Variants in DMC1 observed in about 807,000 individuals in gnomAD.
The protein encoded by DMC1 is DNA meiotic recombinase 1.
A neutral mutation model predicts 50.1 loss-of-function variants in DMC1; 27 were observed. That is an observed-to-expected ratio of 0.54 (90% confidence interval 0.40 to 0.74). The LOEUF is 0.74. DMC1 is among the 30% of genes least tolerant of loss of function. The probability of loss-of-function intolerance (pLI) is 0.00; values close to 1 mark genes in which losing one functional copy is unlikely to be tolerated. For missense variants in DMC1, 295 were observed against 420.2 expected (o/e 0.70, Z 2.60); for synonymous variants, 148 against 136.1 (o/e 1.09, Z -0.61).
At chr22:38,538,464 TA>T in intron 10 of DMC1, 55 bp from the exon 11 acceptor site, 3 of 1,605,240 alleles carry the variant, frequency 1.9e-6, no homozygotes, top group Non-Finnish European at 2.6e-6. Flanking sequence ...AGGAAGACGT[TA>T]TTTGAATAGA....
chr22:38,552,337 T>C (rs1033834357), intron 7 of DMC1, among the ~76,000 whole-genome samples: 5 of 152,292 alleles, frequency 3.3e-5, no homozygotes, highest in South Asian at 4.1e-4. Context: ...TAGGACTCAA[T>C]AGATTTTGTG....
Position 38,535,410 on chromosome 22 carries a change from CCACA to C in DMC1, c.836+2178_836+2181del, listed in dbSNP as rs141719568. ...GAGAAACAAAGGTGTATGTACACCT[CCACA>C]CACACACACACACACACACACACAT... is the stretch of plus-strand genomic sequence containing the variant. On this transcript the variant is annotated intron_variant, in intron 12 of 13. Transcript: ENST00000216024. Among the ~76,000 whole-genome samples, 164 of 148,002 alleles carry C rather than the reference CCACA, an allele frequency of 1.1e-3. 1 individual carries two copies. The Middle Eastern group carries it at 0.014, about 13-fold the overall frequency.
chr22:38,549,789 T>C, intron 8 of DMC1, 136 bp downstream of exon 8: 1 of 673,114 alleles, frequency 1.5e-6, no homozygotes, highest in East Asian at 2.7e-5. Context: ...TAAACAGTAA[T>C]TGTTTTCCCT....
the DMC1 span, among the ~76,000 whole-genome samples, chr22:38,511,445 G>T: frequency 6.6e-6 from 1 of 151,732 alleles, no homozygotes; most frequent in African/African-American, 2.4e-5. Flanking sequence ...TGGGTGTGGT[G>T]GTGTGTGTGT....
At chr22:38,514,625 T>TA (rs2089963814), downstream of DMC1, among the ~76,000 whole-genome samples, 1 of 152,142 alleles carries the variant, frequency 6.6e-6, no homozygotes, top group South Asian at 2.1e-4. Context: ...TAAGCTGCCC[T>TA]AAACCTACCA....
intron 12 of DMC1, among the ~76,000 whole-genome samples, chr22:38,523,802 T>C (rs2090057037): frequency 6.6e-6 from 1 of 152,180 alleles, no homozygotes; most frequent in South Asian, 2.1e-4. Context: ...GCTTAAGATA[T>C]TTATGCTACA....
chr22:38,515,998 T>C (rs542200287), downstream of DMC1, among the ~76,000 whole-genome samples: 251 of 152,222 alleles, frequency 1.6e-3, 1 homozygote, highest in African/African-American at 5.8e-3. Context: ...CTCTCCCCTA[T>C]ATAGGCCAGA....
intron 8 of DMC1, among the ~76,000 whole-genome samples, chr22:38,548,500 G>C (rs1470421336): frequency 6.6e-6 from 1 of 152,112 alleles, no homozygotes; most frequent in African/African-American, 2.4e-5. Flanking sequence ...ACTTGACCCT[G>C]GGAGTTCGAG....
At chr22:38,541,646 G>A (rs2090282167) in intron 8 of DMC1, among the ~76,000 whole-genome samples, 1 of 152,132 alleles carries the variant, frequency 6.6e-6, no homozygotes, top group African/African-American at 2.4e-5. Context: ...TTTTGAGTTG[G>A]TCTGGTGTTA....
intron 12 of DMC1, among the ~76,000 whole-genome samples, chr22:38,521,932 A>G (rs2090033622): frequency 6.6e-6 from 1 of 151,682 alleles, no homozygotes; most frequent in African/African-American, 2.4e-5. Context: ...TGAGATTCCT[A>G]TGATAAATAG....
intron 8 of DMC1, among the ~76,000 whole-genome samples, chr22:38,547,931 G>C (rs1389210894): frequency 6.6e-6 from 1 of 152,020 alleles, no homozygotes; most frequent in Admixed American, 6.6e-5. Context: ...GCAAATGTTC[G>C]CTTGAACTCC....
chr22:38,527,574 A>G (rs2090106623), intron 12 of DMC1, among the ~76,000 whole-genome samples: 1 of 142,192 alleles, frequency 7.0e-6, no homozygotes, highest in Admixed American at 7.4e-5. Flanking sequence ...GATGGAGTGC[A>G]ATGGCACGAT....
At chr22:38,520,393 C>G (rs559787413) in intron 13 of DMC1, among the ~76,000 whole-genome samples, 36 of 150,966 alleles carry the variant, frequency 2.4e-4, no homozygotes, top group African/African-American at 8.3e-4. Context: ...TTGGCGAAGT[C>G]TTGCTCTTGT....
chr22:38,515,890 T>C (rs1392290108), downstream of DMC1, among the ~76,000 whole-genome samples: 1 of 152,186 alleles, frequency 6.6e-6, no homozygotes, highest in Admixed American at 6.6e-5. Flanking sequence ...CCAAGAACTC[T>C]CTCGGGTCTG....
intron 7 of DMC1, among the ~76,000 whole-genome samples, chr22:38,552,437 TTCTC>T (rs1314376128): frequency 1.3e-5 from 2 of 152,186 alleles, no homozygotes; most frequent in African/African-American, 4.8e-5. Context: ...CCCATTCAAC[TTCTC>T]TCTATTTCTA....
intron 8 of DMC1, among the ~76,000 whole-genome samples, chr22:38,541,066 C>T (rs1298829633): frequency 6.6e-6 from 1 of 152,012 alleles, no homozygotes; most frequent in African/African-American, 2.4e-5. Context: ...ACGAGTTTTA[C>T]TGGGGGCCTG....
Position 38,557,964 on chromosome 22 carries a change from T to TC in DMC1, c.327-2556_327-2555insG, listed in dbSNP as rs1331360973. Among the ~76,000 whole-genome samples the TC allele has an allele frequency of 2.3e-5, 3 of 129,616 alleles. No individual in the cohort carries two copies. The East Asian group carries it at 6.8e-4, about 29-fold the overall frequency. The allele number at this position is 129,616 out of a possible 152,430, so 85.0% of individuals were successfully genotyped here. On this transcript the variant is annotated intron_variant, in intron 5 of 13. Transcript: ENST00000216024. ...GATAATTAGACAAAGTTCTTTTTTT[T>TC]TTTTTTTTTTTTTTTTGAGACGGAG...
Position 38,519,797 on chromosome 22 carries a change from C to T in DMC1, c.*223G>A. On this transcript the variant is annotated 3_prime_UTR_variant, in exon 14 of 14. Coordinates refer to ENST00000216024, the MANE Select transcript of DMC1 (RefSeq NM_007068.4). ...TCAGGTATACACACACAAACACACACACACACAAACATACATATACATATC... is the reference window on the plus strand; with the variant it reads ...TCAGGTATACACACACAAACACACATACACACAAACATACATATACATATC... The T allele has an allele frequency of 4.1e-6, 2 of 493,708 alleles. No individual in the cohort carries two copies. Among genetic ancestry groups the T allele is most frequent in the Admixed American group, 6.2e-5 (2 of 32,264 alleles). 30.6% of individuals were successfully genotyped at this position (493,708 alleles called of 1,614,324 possible).
rs933674238 is a variant in DMC1 at position 38,564,160 on chromosome 22, C to T, written c.244-1791G>A. Among the ~76,000 whole-genome samples, 6 of 152,112 alleles carry T rather than the reference C, an allele frequency of 3.9e-5. No individual in the cohort carries two copies. The East Asian group carries it at 1.2e-3, about 29-fold the overall frequency. On this transcript the variant is annotated intron_variant, in intron 4 of 13. Transcript: ENST00000216024. ...CTCCAGCCAGGGTGATAGAGTGAGA[C>T]CTTGTCTCAAAAATAAATGAATAAA...
Sources: allele counts gnomAD v4.1 joint callset (sites outside exome capture counted in the v4.1 genomes callset), GRCh38; gene constraint gnomAD v4.1.1; transcripts MANE v1.5; gene names NCBI Gene and HGNC (gene_info 2026-07-23, HGNC 2026-07-21).